PATJ: variants seen among roughly 807,000 people sequenced by gnomAD.
PATJ encodes PATJ crumbs cell polarity complex component, also known as inaD-like protein.
PATJ carries 190 observed loss-of-function variants against 224.9 expected under a neutral mutation model. That is an observed-to-expected ratio of 0.84 (90% CI 0.75 to 0.95). The LOEUF is 0.95. PATJ is among the 40% of genes least tolerant of loss of function. The probability of loss-of-function intolerance (pLI) is 0.00; values close to 1 mark genes in which losing one functional copy is unlikely to be tolerated. For synonymous variants in PATJ, 769 were observed against 820.3 expected, an observed-to-expected ratio of 0.94 and a Z score of 1.07; for missense variants, 2,121 against 2,270.3, an observed-to-expected ratio of 0.93 and a Z score of 1.34.
At chr1:62,032,695 G>A (rs1257480230) in intron 29 of PATJ, among the ~76,000 whole-genome samples, 1 of 152,150 alleles carries the variant, frequency 6.6e-6, no homozygotes, top group Non-Finnish European at 1.5e-5. Context: ...TGAATTAGAG[G>A]TATTCTTAGC....
At chr1:62,017,405 C>T (rs1009896799) in intron 28 of PATJ, among the ~76,000 whole-genome samples, 4 of 121,388 alleles carry the variant, frequency 3.3e-5, no homozygotes, top group African/African-American at 1.4e-4. Flanking sequence ...CTAAGCGAGA[C>T]TCCGCCTCAA....
intron 40 of PATJ, 73 bp downstream of exon 40, chr1:62,128,167 C>T: frequency 6.3e-7 from 1 of 1,581,116 alleles, no homozygotes; most frequent in East Asian, 2.2e-5. Flanking sequence ...CCCTGGGCAC[C>T]TTGTTTAAAG....
Position 61,864,358 on chromosome 1 carries a change from C to T in PATJ, c.2560C>T (p.His854Tyr), listed in dbSNP as rs1248164030. 1.2e-6 allele frequency: 2 copies of T among 1,614,018 alleles called. No individual in the cohort carries two copies. Among genetic ancestry groups the T allele is most frequent in the Non-Finnish European group, 1.7e-6 (2 of 1,179,916 alleles). The change falls in exon 20 of 44, where the codon CAT becomes TAT. Residue 854 changes from histidine (H) to tyrosine (Y), a missense_variant. By Grantham distance (83) the His-to-Tyr change is moderately conservative. Transcript: ENST00000642238. Reference sequence around the variant, plus strand: ...GCAAAGCAAGGAGGCCTGGGAGATGCATGAATTTCTGACTCCTAGATTGCA... The same window carrying T: ...GCAAAGCAAGGAGGCCTGGGAGATGTATGAATTTCTGACTCCTAGATTGCA... ...IEQSKEAWEM[H>Y]EFLTPRLQEM...
intron 16 of PATJ, among the ~76,000 whole-genome samples, chr1:61,832,223 C>T (rs980742970): frequency 6.6e-6 from 1 of 152,100 alleles, no homozygotes; most frequent in Admixed American, 6.6e-5. Flanking sequence ...ACCTGTCAGG[C>T]ACTATGCTTA....
chr1:61,818,345 A>G (rs1419140505), intron 14 of PATJ, among the ~76,000 whole-genome samples: 2 of 152,238 alleles, frequency 1.3e-5, no homozygotes, highest in African/African-American at 4.8e-5. Flanking sequence ...CAAAACGTTG[A>G]ATAAGCATCA....
At chr1:61,997,204 A>C (rs1645419204) in intron 28 of PATJ, among the ~76,000 whole-genome samples, 1 of 152,234 alleles carries the variant, frequency 6.6e-6, no homozygotes, top group Non-Finnish European at 1.5e-5. Context: ...GCTATTAAAA[A>C]ATGAGTGATT....
chr1:61,931,374 A>T (rs1195644714), intron 27 of PATJ, among the ~76,000 whole-genome samples: 1 of 152,262 alleles, frequency 6.6e-6, no homozygotes, highest in Non-Finnish European at 1.5e-5. Flanking sequence ...TTTAAAAATT[A>T]TGTTAAAAAT....
At position 61,771,449 on chromosome 1, in the gene PATJ, A is replaced by G. The variant is rs1192387640; in HGVS notation, c.543A>G (p.Glu181=). 1.9e-6 allele frequency: 3 copies of G among 1,592,514 alleles called. No homozygotes were observed. Among genetic ancestry groups the G allele is most frequent in the Non-Finnish European group, 1.7e-6 (2 of 1,172,194 alleles). Residue 181 remains glutamate (E), a synonymous_variant, in exon 6 of 44, where the codon GAA becomes GAG. Transcript: ENST00000642238. ...SVADRDQRLK[E]NDQILAINHT... ...GATTAAGGGATCAAAGATTAAAGGA[A>G]AATGATCAAATATTGGCCATTAATC...
At chr1:61,909,639 A>AT (rs923188409) in intron 25 of PATJ, among the ~76,000 whole-genome samples, 29 of 151,496 alleles carry the variant, frequency 1.9e-4, no homozygotes, top group Non-Finnish European at 2.2e-4. Context: ...CACCTGGTGA[A>AT]TTTTTTTTTG....
At chr1:61,767,628 C>T (rs1646355341) in intron 4 of PATJ, among the ~76,000 whole-genome samples, 1 of 151,420 alleles carries the variant, frequency 6.6e-6, no homozygotes, top group African/African-American at 2.4e-5. Flanking sequence ...TATTCTGGTC[C>T]TAGTTTTTGA....
chr1:61,885,947 T>C (rs1668763288), intron 22 of PATJ, among the ~76,000 whole-genome samples: 2 of 151,676 alleles, frequency 1.3e-5, no homozygotes, highest in African/African-American at 2.4e-5. Flanking sequence ...AAACACTGCA[T>C]GTTCTCACTC....
chr1:61,814,556 G>A (rs1327413904), intron 14 of PATJ, among the ~76,000 whole-genome samples: 5 of 151,756 alleles, frequency 3.3e-5, no homozygotes, highest in East Asian at 1.9e-4. Context: ...GTGCGCGCGC[G>A]CGCGCATGTA....
intron 27 of PATJ, among the ~76,000 whole-genome samples, chr1:61,974,203 T>TGATAGTTTGAGCATGGGCG (rs1643986650): frequency 6.6e-6 from 1 of 151,940 alleles, no homozygotes; most frequent in Non-Finnish European, 1.5e-5. Context: ...ACTGTGAGCC[T>TGATAGTTTGAGCATGGGCG]GATAGTTTGA....
chr1:61,899,090 G>C (rs1361495228), intron 22 of PATJ, among the ~76,000 whole-genome samples: 1 of 152,120 alleles, frequency 6.6e-6, no homozygotes, highest in Non-Finnish European at 1.5e-5. Flanking sequence ...TAACTGAAAA[G>C]TTCCATATAA....
intron 14 of PATJ, among the ~76,000 whole-genome samples, chr1:61,814,547 T>TGTGTGTGTGCGCGCGC (rs370488022): frequency 3.1e-4 from 44 of 142,566 alleles, no homozygotes; most frequent in African/African-American, 1.2e-3. Flanking sequence ...TGTGTGTGTG[T>TGTGTGTGTGCGCGCGC]GCGCGCGCGC....
intron 27 of PATJ, among the ~76,000 whole-genome samples, chr1:61,952,864 A>G (rs1240567098): frequency 1.3e-5 from 2 of 152,222 alleles, no homozygotes; most frequent in African/African-American, 4.8e-5. Flanking sequence ...GTTAATTTTA[A>G]AAACTGACCA....
intron 3 of PATJ, among the ~76,000 whole-genome samples, chr1:61,763,448 C>T (rs962755181): frequency 6.0e-5 from 9 of 151,154 alleles, no homozygotes; most frequent in Non-Finnish European, 1.3e-4. Context: ...GGGAGGACTG[C>T]TTGAGCCCAG....
In PATJ at chr1:61,995,356, A is replaced by G. The variant is rs543168243; in HGVS notation, c.3867+4992A>G. Among the ~76,000 whole-genome samples the G allele has an allele frequency of 2.6e-5, 4 of 152,290 alleles. No individual in the cohort carries two copies. In the East Asian group the frequency reaches 7.7e-4, roughly 29 times the overall value. Reference sequence around the variant, plus strand: ...TATTTATCATTATTGTTTTGTCTCTATGATATGGCTTTGCTCACAGCCTCC... The same window carrying G: ...TATTTATCATTATTGTTTTGTCTCTGTGATATGGCTTTGCTCACAGCCTCC... On this transcript the variant is annotated intron_variant, in intron 28 of 43. Transcript: ENST00000642238.
chr1:62,061,657 C>T (rs567409421), intron 31 of PATJ, among the ~76,000 whole-genome samples: 81 of 152,092 alleles, frequency 5.3e-4, no homozygotes, highest in African/African-American at 1.7e-3. Flanking sequence ...CATGTGTATG[C>T]ACCACATTTA....
Sources: gnomAD v4.1 joint callset for allele counts (sites outside exome capture counted in the v4.1 genomes callset) on GRCh38, gnomAD v4.1.1 for gene constraint, MANE v1.5 for transcripts, NCBI Gene and HGNC (gene_info 2026-07-23, HGNC 2026-07-21) for gene names.